The following ZNF322 variants were observed in gnomAD, a reference collection of about 807,000 sequenced individuals.
The protein encoded by ZNF322 is zinc finger protein 322.
A neutral mutation model predicts 18.3 loss-of-function variants in ZNF322; 1 was observed. The ratio of observed to expected loss-of-function variants is 0.05; its 90% confidence interval spans 0.02 to 0.26. ZNF322 has a LOEUF of 0.26. Among genes scored for constraint, ZNF322 ranks in the 10% least tolerant of loss-of-function variants. ZNF322 has a pLI of 1.00. For synonymous variants in ZNF322, 17 were observed against 130.7 expected, an observed-to-expected ratio of 0.13 and a Z score of 5.93; for missense variants, 36 against 403.6, an observed-to-expected ratio of 0.09 and a Z score of 7.80.
chr6:26,646,292 C>G (rs1765558388), intron 2 of ZNF322, among the ~76,000 whole-genome samples: 1 of 152,056 alleles, frequency 6.6e-6, no homozygotes, highest in African/African-American at 2.4e-5. Flanking sequence ...ACAAGCAAGA[C>G]CTAACTATAT....
At chr6:26,645,201 A>G (rs1163952020) in intron 2 of ZNF322, among the ~76,000 whole-genome samples, 1 of 152,258 alleles carries the variant, frequency 6.6e-6, no homozygotes, top group Non-Finnish European at 1.5e-5. Context: ...AGGGGATAAC[A>G]GTGGCTACAG....
chr6:26,642,395 CTCTG>C (rs1351744692), intron 3 of ZNF322, among the ~76,000 whole-genome samples: 1 of 152,188 alleles, frequency 6.6e-6, no homozygotes, highest in Non-Finnish European at 1.5e-5. Context: ...TATATTTTGT[CTCTG>C]TCTTTGTCTC....
intron 2 of ZNF322, among the ~76,000 whole-genome samples, chr6:26,652,426 T>C (rs1190820641): frequency 6.6e-6 from 1 of 152,174 alleles, no homozygotes; most frequent in Non-Finnish European, 1.5e-5. Flanking sequence ...TGGTGGCTCA[T>C]GCCTGCAATC....
intron 2 of ZNF322, among the ~76,000 whole-genome samples, chr6:26,644,143 G>A (rs562163366): frequency 1.6e-4 from 25 of 152,222 alleles, no homozygotes; most frequent in Admixed American, 8.5e-4. Flanking sequence ...TGCAACCCAC[G>A]TAATCATCAC....
chr6:26,659,025 A>C (rs1554149932), intron 1 of ZNF322, among the ~76,000 whole-genome samples: 6 of 152,216 alleles, frequency 3.9e-5, no homozygotes, highest in Non-Finnish European at 7.3e-5. Flanking sequence ...AGTGCATGTG[A>C]TAAGTGTATA....
chr6:26,635,335 ATAG>A lies in ZNF322; in HGVS notation c.*2007_*2009del, dbSNP rs1561919339. On this transcript the variant is annotated 3_prime_UTR_variant, in exon 4 of 4. Transcript: ENST00000415922. ...ACTAGTCTACAAAGTCCCAAATACT[ATAG>A]GAATCTGAAGTATTGGTATTACACG... The A allele has an allele frequency of 2.9e-5, 1 of 33,904 alleles. No homozygotes were observed. The highest frequency in any genetic ancestry group is 6.0e-5 in the Non-Finnish European group (1 of 16,616). 2.1% of individuals were successfully genotyped at this position (33,904 alleles called of 1,614,324 possible).
At chr6:26,653,004 TG>T (rs1366661733) in intron 2 of ZNF322, among the ~76,000 whole-genome samples, 1 of 152,210 alleles carries the variant, frequency 6.6e-6, no homozygotes, top group African/African-American at 2.4e-5. Context: ...ATTTTTTAAA[TG>T]TACATGAAAT....
intron 2 of ZNF322, among the ~76,000 whole-genome samples, chr6:26,652,268 G>C (rs1765684472): frequency 6.6e-6 from 1 of 152,176 alleles, no homozygotes; most frequent in Non-Finnish European, 1.5e-5. Flanking sequence ...CACAGACTGG[G>C]AGAAAATATT....
intron 2 of ZNF322, among the ~76,000 whole-genome samples, chr6:26,658,294 T>G (rs1436649760): frequency 6.6e-6 from 1 of 152,108 alleles, no homozygotes; most frequent in Non-Finnish European, 1.5e-5. Context: ...GCATTAGGCA[T>G]ACTACCCTCT....
In ZNF322 at chr6:26,638,676, T is replaced by A. The variant is rs1160599403; in HGVS notation, c.-123A>T. 1 of 864,224 alleles carries A rather than the reference T, an allele frequency of 1.2e-6. No homozygotes were observed. Among genetic ancestry groups the A allele is most frequent in the Non-Finnish European group, 1.8e-6 (1 of 549,932 alleles). The allele number at this position is 864,224 out of a possible 1,614,324, so 53.5% of individuals were successfully genotyped here. A position where few individuals can be genotyped will look rare whatever the true frequency, so the allele number is the denominator to read the frequency against. ...GTTTCAGGCCTTTCAATCATGAGCCTCTACAAGTTTCCAGCATCATATATG... is the reference window on the plus strand; with the variant it reads ...GTTTCAGGCCTTTCAATCATGAGCCACTACAAGTTTCCAGCATCATATATG... On this transcript the variant is annotated 5_prime_UTR_variant, in exon 4 of 4. Coordinates refer to ENST00000415922, the MANE Select transcript of ZNF322 (RefSeq NM_024639.5).
At chr6:26,656,365 G>C (rs1765771675) in intron 2 of ZNF322, among the ~76,000 whole-genome samples, 1 of 152,162 alleles carries the variant, frequency 6.6e-6, no homozygotes, top group African/African-American at 2.4e-5. Flanking sequence ...CTAGGTCTCA[G>C]TAGATGCTTA....
chr6:26,644,116 T>C (rs1765514392), intron 2 of ZNF322, among the ~76,000 whole-genome samples: 5 of 152,188 alleles, frequency 3.3e-5, no homozygotes, highest in Admixed American at 2.0e-4. Flanking sequence ...ATAACAAAAT[T>C]ACCACCTTAC....
intron 2 of ZNF322, among the ~76,000 whole-genome samples, chr6:26,653,211 C>T (rs1354163437): frequency 3.9e-5 from 6 of 151,956 alleles, no homozygotes; most frequent in African/African-American, 1.5e-4. Flanking sequence ...CATTAAAAGG[C>T]ATGACAATGC....
rs1561924662 is a variant in ZNF322 at position 26,649,659 on chromosome 6, GTGTGTGTGTGTGTGTGTA to G, written c.-245-5949_-245-5932del. ...CATATGTGTGTGTGTGTGTGTGTGT[GTGTGTGTGTGTGTGTGTA>G]TATATATATATATATATATATATAT... On this transcript the variant is annotated intron_variant, in intron 2 of 3. Transcript: ENST00000415922. Among the ~76,000 whole-genome samples, 7 of 43,974 alleles carry G rather than the reference GTGTGTGTGTGTGTGTGTA, an allele frequency of 1.6e-4. 1 individual carries two copies. Among genetic ancestry groups the G allele is most frequent in the South Asian group, 1.9e-3 (2 of 1,070 alleles). 28.8% of individuals were successfully genotyped at this position (43,974 alleles called of 152,430 possible).
At chr6:26,647,811 A>G (rs1343169135) in intron 2 of ZNF322, among the ~76,000 whole-genome samples, 9 of 152,278 alleles carry the variant, frequency 5.9e-5, no homozygotes, top group African/African-American at 2.2e-4. Flanking sequence ...TTTTTGTGAA[A>G]TAAGGATAGC....
At chr6:26,649,332 A>G (rs1765610284) in intron 2 of ZNF322, among the ~76,000 whole-genome samples, 1 of 152,174 alleles carries the variant, frequency 6.6e-6, no homozygotes, top group African/African-American at 2.4e-5. Context: ...GAAATTTAGT[A>G]TACAATAAAG....
At chr6:26,657,371 C>T (rs1765798367) in intron 2 of ZNF322, among the ~76,000 whole-genome samples, 1 of 152,118 alleles carries the variant, frequency 6.6e-6, no homozygotes, top group Non-Finnish European at 1.5e-5. Flanking sequence ...TATCTTCAGC[C>T]TCACAGGCCA....
intron 3 of ZNF322, among the ~76,000 whole-genome samples, chr6:26,640,101 C>A (rs1765441336): frequency 6.6e-6 from 1 of 152,120 alleles, no homozygotes; most frequent in Admixed American, 6.6e-5. Flanking sequence ...AACAAAAGCA[C>A]AATCAACAAG....
intron 2 of ZNF322, among the ~76,000 whole-genome samples, chr6:26,649,637 ATGTG>A (rs58521273): frequency 0.16 from 10,932 of 67,232 alleles, 1,532 homozygotes; most frequent in East Asian, 0.27. Flanking sequence ...ATACATACAT[ATGTG>A]TGTGTGTGTG....
Sources: gnomAD v4.1 joint callset for allele counts (sites outside exome capture counted in the v4.1 genomes callset) on GRCh38, gnomAD v4.1.1 for gene constraint, MANE v1.5 for transcripts, NCBI Gene and HGNC (gene_info 2026-07-23, HGNC 2026-07-21) for gene names.